Variants in RBFOX1 observed in about 807,000 individuals in gnomAD.
RBFOX1 encodes the protein RNA binding protein fox-1 homolog 1.
RBFOX1 carries 8 observed loss-of-function variants against 57.7 expected under a neutral mutation model. That is an observed-to-expected ratio of 0.14 (90% CI 0.08 to 0.25). The LOEUF (loss-of-function observed/expected upper bound fraction) is 0.25, where lower values mean the gene tolerates loss of function less well. Among genes scored for constraint, RBFOX1 ranks in the 10% least tolerant of loss-of-function variants. The pLI is 1.00. For synonymous variants in RBFOX1, 326 were observed against 222.4 expected (o/e 1.47, Z -4.15); for missense variants, 611 against 548.5 (o/e 1.11, Z -1.14).
At chr16:5,368,713 C>A (rs935882943) in intron 1 of RBFOX1, among the ~76,000 whole-genome samples, 2 of 152,092 alleles carry the variant, frequency 1.3e-5, no homozygotes, top group Non-Finnish European at 2.9e-5. Context: ...GAGGGGCTGG[C>A]CCTTAGTGAC....
intron 4 of RBFOX1, among the ~76,000 whole-genome samples, chr16:5,931,516 A>G (rs1031140085): frequency 6.6e-6 from 1 of 152,188 alleles, no homozygotes; most frequent in Non-Finnish European, 1.5e-5. Flanking sequence ...TGCCCACCGT[A>G]GCCCTGCATG....
chr16:6,926,322 AC>A (rs2075579751), intron 3 of RBFOX1, among the ~76,000 whole-genome samples: 1 of 152,032 alleles, frequency 6.6e-6, no homozygotes, highest in Admixed American at 6.6e-5. Flanking sequence ...AAAAACAAAA[AC>A]AAAAACCCTT....
At chr16:7,057,661 C>G (rs1247695587) in intron 4 of RBFOX1, among the ~76,000 whole-genome samples, 4 of 152,136 alleles carry the variant, frequency 2.6e-5, no homozygotes, top group Non-Finnish European at 5.9e-5. Context: ...AGGGCCAACT[C>G]TTGAGGGAAG....
At chr16:6,133,308 G>C (rs751314501) in intron 1 of RBFOX1, among the ~76,000 whole-genome samples, 1 of 152,284 alleles carries the variant, frequency 6.6e-6, no homozygotes, top group African/African-American at 2.4e-5. Context: ...TGGCTTCCAC[G>C]TTGCTCTCTC....
At chr16:5,831,355 C>A (rs369596028) in intron 3 of RBFOX1, among the ~76,000 whole-genome samples, 6 of 152,136 alleles carry the variant, frequency 3.9e-5, no homozygotes, top group South Asian at 2.1e-4. Flanking sequence ...GGCCATGGGA[C>A]CTGCCTGTTC....
At chr16:5,562,353 G>A (rs991570373) in intron 2 of RBFOX1, among the ~76,000 whole-genome samples, 10 of 152,156 alleles carry the variant, frequency 6.6e-5, no homozygotes, top group African/African-American at 2.4e-4. Context: ...TATTGGAACT[G>A]CTGGGGTCAG....
chr16:7,596,820 G>A (rs1231192148), intron 8 of RBFOX1, among the ~76,000 whole-genome samples: 1 of 152,146 alleles, frequency 6.6e-6, no homozygotes, highest in Non-Finnish European at 1.5e-5. Context: ...GTTAAAGCTT[G>A]AATGATTTTG....
intron 1 of RBFOX1, among the ~76,000 whole-genome samples, chr16:6,055,218 C>G (rs2095600297): frequency 6.6e-6 from 1 of 152,018 alleles, no homozygotes; most frequent in Admixed American, 6.6e-5. Context: ...TATTATCTTT[C>G]TCATTAAACG....
At chr16:7,054,870 C>A (rs8060599) in intron 4 of RBFOX1, among the ~76,000 whole-genome samples, 94,443 of 151,928 alleles carry the variant, frequency 0.62, 29,745 homozygotes, top group South Asian at 0.77. Flanking sequence ...GGATAGTTGT[C>A]AAATTTATTC....
intron 3 of RBFOX1, among the ~76,000 whole-genome samples, chr16:6,682,673 A>G (rs1285032965): frequency 6.6e-6 from 1 of 151,910 alleles, no homozygotes; most frequent in African/African-American, 2.4e-5. Context: ...ATGACTCTAG[A>G]TGCCGCCATG....
At chr16:7,276,503 T>C (rs1355629231) in intron 4 of RBFOX1, among the ~76,000 whole-genome samples, 1 of 152,200 alleles carries the variant, frequency 6.6e-6, no homozygotes, top group Non-Finnish European at 1.5e-5. Context: ...CCTTCCCTGA[T>C]AGCAAGCAAA....
chr16:7,031,776 G>GA (rs1388049476), intron 3 of RBFOX1, among the ~76,000 whole-genome samples: 3 of 152,254 alleles, frequency 2.0e-5, no homozygotes, highest in Admixed American at 6.5e-5. Flanking sequence ...ACCCACTGCA[G>GA]AGAAGATGCA....
chr16:6,091,571 T>A (rs183256437), intron 1 of RBFOX1, among the ~76,000 whole-genome samples: 2 of 152,226 alleles, frequency 1.3e-5, no homozygotes, highest in African/African-American at 4.8e-5. Context: ...GGCTCACGCC[T>A]GTAATCCCAG....
chr16:7,602,388 G>A (rs1462646152), intron 9 of RBFOX1, among the ~76,000 whole-genome samples: 1 of 152,186 alleles, frequency 6.6e-6, no homozygotes, highest in African/African-American at 2.4e-5. Context: ...GGGGCTGGGG[G>A]GGCCCTGGGA....
chr16:5,978,790 C>G (rs1348628846), intron 4 of RBFOX1, among the ~76,000 whole-genome samples: 2 of 151,650 alleles, frequency 1.3e-5, no homozygotes, highest in Non-Finnish European at 2.9e-5. Flanking sequence ...CATGATTAGC[C>G]TGGGGTTTGG....
intron 11 of RBFOX1, among the ~76,000 whole-genome samples, chr16:7,645,430 G>A (rs2063562959): frequency 6.6e-6 from 1 of 152,120 alleles, no homozygotes; most frequent in South Asian, 2.1e-4. Context: ...CAAATAAATG[G>A]CACACGCAGC....
intron 1 of RBFOX1, among the ~76,000 whole-genome samples, chr16:6,152,211 T>C (rs562388523): frequency 6.6e-6 from 1 of 152,316 alleles, no homozygotes; most frequent in Admixed American, 6.5e-5. Context: ...TCCAATGGAA[T>C]AACATAATTA....
At chr16:6,734,915 GC>G in intron 3 of RBFOX1, among the ~76,000 whole-genome samples, 1 of 152,264 alleles carries the variant, frequency 6.6e-6, no homozygotes, top group Non-Finnish European at 1.5e-5. Flanking sequence ...AGGTTGTGTT[GC>G]CTCGCTTGAG....
intron 4 of RBFOX1, among the ~76,000 whole-genome samples, chr16:7,449,053 C>T (rs546162217): frequency 4.0e-5 from 6 of 149,932 alleles, no homozygotes; most frequent in Admixed American, 1.4e-4. Context: ...CGTCAGTCTC[C>T]GGAGTAGCTG....
Sources: allele counts gnomAD v4.1 joint callset (sites outside exome capture counted in the v4.1 genomes callset), GRCh38; gene constraint gnomAD v4.1.1; transcripts MANE v1.5; gene names NCBI Gene and HGNC (gene_info 2026-07-23, HGNC 2026-07-21).